The following HMGB1 variants were observed in gnomAD, a reference collection of about 807,000 sequenced individuals.
HMGB1 encodes the protein high mobility group box 1, also known as high mobility group protein B1.
For synonymous variants in HMGB1, 81 were observed against 84.0 expected (o/e 0.96, Z 0.19); for missense variants, 79 against 253.5 (o/e 0.31, Z 4.67).
intron 1 of HMGB1, among the ~76,000 whole-genome samples, chr13:30,498,468 G>C (rs1334214443): frequency 6.6e-6 from 1 of 151,904 alleles, no homozygotes; most frequent in Non-Finnish European, 1.5e-5. Context: ...AGCTGTGGTG[G>C]GTATCAGGAG....
At chr13:30,554,029 C>A (rs775695351) in intron 1 of HMGB1, 12 of 1,467,774 alleles carry the variant, frequency 8.2e-6, no homozygotes, top group Non-Finnish European at 5.7e-6. Context: ...GAGAAAGAAT[C>A]GGTTAAATGT....
At position 30,538,692 on chromosome 13, in the gene HMGB1, T is replaced by TC. The variant is rs1375273282; in HGVS notation, c.-14-74999dup. ...TCTTTCTTTCTTTCTTTCCTTTCTT[T>TC]CTTTCTTTCTTTTTCTTTCTTTCTT... On this transcript the variant is annotated intron_variant, in intron 1 of 4. Coordinates refer to the HMGB1 transcript ENST00000405805. Among the ~76,000 whole-genome samples the TC allele has an allele frequency of 1.7e-3, 165 of 95,148 alleles. 2 individuals are homozygous for TC. The highest frequency in any genetic ancestry group is 7.9e-3 in the African/African-American group (157 of 19,860). 62.4% of individuals were successfully genotyped at this position (95,148 alleles called of 152,430 possible). A position where few individuals can be genotyped will look rare whatever the true frequency, so the allele number is the denominator to read the frequency against.
chr13:30,506,668 T>C (rs1887876323), intron 1 of HMGB1, among the ~76,000 whole-genome samples: 1 of 152,182 alleles, frequency 6.6e-6, no homozygotes, highest in South Asian at 2.1e-4. Context: ...CCTCTCAGCC[T>C]TCCCTTCTCT....
chr13:30,522,270 G>T (rs1234128004), intron 1 of HMGB1, among the ~76,000 whole-genome samples: 2 of 151,990 alleles, frequency 1.3e-5, no homozygotes, highest in Non-Finnish European at 2.9e-5. Flanking sequence ...ATGCCATCAT[G>T]CCCAGCTAAC....
At chr13:30,487,083 A>G (rs915681895) in intron 1 of HMGB1, among the ~76,000 whole-genome samples, 1 of 152,220 alleles carries the variant, frequency 6.6e-6, no homozygotes. Flanking sequence ...TGAGCCAGGG[A>G]GCTGAACAGC....
chr13:30,500,363 T>G (rs1433859523), intron 1 of HMGB1, among the ~76,000 whole-genome samples: 1 of 152,048 alleles, frequency 6.6e-6, no homozygotes, highest in Non-Finnish European at 1.5e-5. Context: ...AAGTTGAGTA[T>G]GATATTCTTG....
chr13:30,477,277 C>T (rs961270369), intron 1 of HMGB1, among the ~76,000 whole-genome samples: 2 of 145,142 alleles, frequency 1.4e-5, no homozygotes, highest in African/African-American at 2.7e-5. Flanking sequence ...TTGCGATGGA[C>T]TCCGATTTTT....
chr13:30,503,227 C>G (rs899987336), intron 1 of HMGB1, among the ~76,000 whole-genome samples: 2 of 151,960 alleles, frequency 1.3e-5, no homozygotes, highest in Non-Finnish European at 2.9e-5. Flanking sequence ...GCCTGTAGTG[C>G]CAGCTACTCA....
At chr13:30,562,036 A>G (rs1255268998) in intron 1 of HMGB1, among the ~76,000 whole-genome samples, 2 of 152,162 alleles carry the variant, frequency 1.3e-5, no homozygotes, top group Non-Finnish European at 2.9e-5. Flanking sequence ...GTTGTGATAT[A>G]CTTGGCCGGG....
intron 1 of HMGB1, among the ~76,000 whole-genome samples, chr13:30,571,777 A>G (rs1160078759): frequency 6.6e-6 from 1 of 152,226 alleles, no homozygotes; most frequent in Non-Finnish European, 1.5e-5. Flanking sequence ...GGATTAAGGA[A>G]GATTAACAAA....
At chr13:30,489,497 G>A (rs867141639) in intron 1 of HMGB1, among the ~76,000 whole-genome samples, 3 of 152,206 alleles carry the variant, frequency 2.0e-5, no homozygotes, top group East Asian at 1.9e-4. Flanking sequence ...GGATTTGTTC[G>A]GTACATATTT....
intron 1 of HMGB1, among the ~76,000 whole-genome samples, chr13:30,612,769 A>G (rs1429024602): frequency 6.6e-6 from 1 of 152,220 alleles, no homozygotes; most frequent in Non-Finnish European, 1.5e-5. Flanking sequence ...TTTGATTTGG[A>G]GGCTTCCTGA....
rs1888063287 is a variant in HMGB1 at position 30,514,637 on chromosome 13, G to GT, written c.-14-50944dup. On this transcript the variant is annotated intron_variant, in intron 1 of 4. Coordinates refer to the HMGB1 transcript ENST00000405805. ...GTATCTATTTCTCACTTTTTGTTTA[G>GT]TTTTTTTGAGAGAGGGTCTGGCTGT... 2.6e-5 allele frequency among the ~76,000 whole-genome samples: 4 copies of GT among 151,622 alleles called. No homozygotes were observed. In the South Asian group the frequency reaches 8.3e-4, roughly 32 times the overall value.
chr13:30,592,408 ATAATT>A (rs1289052590), intron 1 of HMGB1, among the ~76,000 whole-genome samples: 12 of 152,334 alleles, frequency 7.9e-5, no homozygotes, highest in African/African-American at 2.9e-4. Flanking sequence ...CCCAGGTAAT[ATAATT>A]TAAGTTAAAG....
intron 1 of HMGB1, among the ~76,000 whole-genome samples, chr13:30,490,792 A>T (rs548306581): frequency 6.6e-6 from 1 of 152,182 alleles, no homozygotes; most frequent in South Asian, 2.1e-4. Context: ...CTTAAAAAAA[A>T]AATCAGGAAA....
chr13:30,555,564 C>A (rs1169471297), intron 1 of HMGB1, among the ~76,000 whole-genome samples: 1 of 152,066 alleles, frequency 6.6e-6, no homozygotes, highest in Non-Finnish European at 1.5e-5. Context: ...CTATTAGCAA[C>A]CACAATTCTA....
At chr13:30,597,950 T>C (rs1162074420) in intron 1 of HMGB1, among the ~76,000 whole-genome samples, 1 of 152,192 alleles carries the variant, frequency 6.6e-6, no homozygotes, top group Non-Finnish European at 1.5e-5. Context: ...CTCTCCTAGG[T>C]GGGACATCTT....
intron 1 of HMGB1, among the ~76,000 whole-genome samples, chr13:30,545,843 A>C (rs1869132396): frequency 6.6e-6 from 1 of 152,028 alleles, no homozygotes; most frequent in Admixed American, 6.6e-5. Flanking sequence ...CTAGGACTGC[A>C]AGTGTGTGCC....
At position 30,568,331 on chromosome 13, in the gene HMGB1, AC is replaced by A. The variant is rs1184003733; in HGVS notation, c.-15+48339del. Among the ~76,000 whole-genome samples, 3 of 151,738 alleles carry A rather than the reference AC, an allele frequency of 2.0e-5. No individual in the cohort carries two copies. In the East Asian group the frequency reaches 5.8e-4, roughly 29 times the overall value. ...AGAACAGCCCAGGCAACATATTGAG[AC>A]CCCCGTCTCTATAAGCAATAAAAAA... On this transcript the variant is annotated intron_variant, in intron 1 of 4. Coordinates refer to the HMGB1 transcript ENST00000405805.
Sources: allele counts gnomAD v4.1 joint callset (sites outside exome capture counted in the v4.1 genomes callset), GRCh38; gene constraint gnomAD v4.1.1; transcripts MANE v1.5; gene names NCBI Gene and HGNC (gene_info 2026-07-23, HGNC 2026-07-21).